Variants in PFKFB3 observed in about 807,000 individuals in gnomAD.
The protein encoded by PFKFB3 is 6-phosphofructo-2-kinase/fructose-2,6-biphosphatase 3.
A neutral mutation model predicts 68.0 loss-of-function variants in PFKFB3; 33 were observed. The observed-to-expected ratio is 0.49, with a 90% CI of 0.37 to 0.65. PFKFB3 has a LOEUF of 0.65. PFKFB3 is among the 30% of genes least tolerant of loss of function. The pLI is 0.00. For missense variants in PFKFB3, 586 were observed against 712.2 expected (o/e 0.82, Z 2.02); for synonymous variants, 315 against 288.2 (o/e 1.09, Z -0.94).
At chr10:6,196,517 A>G (rs1843179719) in intron 1 of PFKFB3, among the ~76,000 whole-genome samples, 1 of 152,212 alleles carries the variant, frequency 6.6e-6, no homozygotes, top group African/African-American at 2.4e-5. Flanking sequence ...TGCAGCCTTC[A>G]GTCTGTGGTC....
chr10:6,150,609 A>C (rs1252885259), intron 1 of PFKFB3, among the ~76,000 whole-genome samples: 1 of 152,212 alleles, frequency 6.6e-6, no homozygotes, highest in Non-Finnish European at 1.5e-5. Context: ...GGGGCGACAG[A>C]GCGAGACTGT....
At chr10:6,157,515 G>C (rs11257021) in intron 1 of PFKFB3, among the ~76,000 whole-genome samples, 93,237 of 151,826 alleles carry the variant, frequency 0.61, 28,816 homozygotes, top group Middle Eastern at 0.67. Context: ...CATGAGCCAC[G>C]GCGCCCAGCC....
At chr10:6,180,137 G>A (rs772508454) in intron 1 of PFKFB3, among the ~76,000 whole-genome samples, 29 of 152,118 alleles carry the variant, frequency 1.9e-4, no homozygotes, top group Non-Finnish European at 3.7e-4. Flanking sequence ...GAGCCCAGGA[G>A]TTTGTGAGCA....
At chr10:6,303,091 GT>G in the PFKFB3 span, among the ~76,000 whole-genome samples, 3 of 152,132 alleles carry the variant, frequency 2.0e-5, 1 homozygote, top group Admixed American at 2.0e-4. Flanking sequence ...ACAAATATTT[GT>G]TTGTCAGCAA....
At chr10:6,217,799 G>A (rs563944898) in intron 6 of PFKFB3, among the ~76,000 whole-genome samples, 1 of 152,302 alleles carries the variant, frequency 6.6e-6, no homozygotes, top group Middle Eastern at 3.4e-3. Context: ...AACAGGAATG[G>A]TTACTATGGA....
chr10:6,313,292 A>G, the PFKFB3 span, among the ~76,000 whole-genome samples: 2 of 152,252 alleles, frequency 1.3e-5, no homozygotes, highest in African/African-American at 2.4e-5. The surrounding 1 kb of genome is among the most constrained non-coding windows in gnomAD (Gnocchi z 4.2). Context: ...AGTTTGATAA[A>G]AGGAAAATGC....
chr10:6,287,547 C>T, the PFKFB3 span, among the ~76,000 whole-genome samples: 1 of 152,106 alleles, frequency 6.6e-6, no homozygotes, highest in African/African-American at 2.4e-5. Context: ...TACAATATAG[C>T]CTAGGTGTGC....
At chr10:6,231,757 C>T (rs542682615) in intron 14 of PFKFB3, among the ~76,000 whole-genome samples, 43 of 152,244 alleles carry the variant, frequency 2.8e-4, no homozygotes, top group African/African-American at 7.0e-4. Context: ...CATCATCCTT[C>T]GGCGGGCACC....
At chr10:6,306,925 T>C in the PFKFB3 span, among the ~76,000 whole-genome samples, 1 of 152,234 alleles carries the variant, frequency 6.6e-6, no homozygotes, top group African/African-American at 2.4e-5. Flanking sequence ...TGCCCAGATA[T>C]TTGGTTAAAC....
chr10:6,198,147 G>A (rs1205614867), upstream of PFKFB3, among the ~76,000 whole-genome samples: 1 of 151,776 alleles, frequency 6.6e-6, no homozygotes, highest in Non-Finnish European at 1.5e-5. Flanking sequence ...TCAGGAGGCT[G>A]AGGCAGGAGA....
At chr10:6,265,499 A>G in the PFKFB3 span, among the ~76,000 whole-genome samples, 1 of 152,060 alleles carries the variant, frequency 6.6e-6, no homozygotes, top group Admixed American at 6.6e-5. Context: ...TTTCTCCACT[A>G]TTATGTTTAG....
intron 1 of PFKFB3, among the ~76,000 whole-genome samples, chr10:6,153,475 A>T (rs1020603994): frequency 2.6e-5 from 4 of 152,118 alleles, no homozygotes; most frequent in African/African-American, 9.7e-5. Flanking sequence ...GTAGGAGGTC[A>T]TGGTGACCTC....
chr10:6,305,034 G>GTTTTTTTTTTT, the PFKFB3 span, among the ~76,000 whole-genome samples: 1 of 3,702 alleles, frequency 2.7e-4, no homozygotes. Context: ...TTTTTTTTTA[G>GTTTTTTTTTTT]TAGAGATGAC....
chr10:6,282,252 C>T, the PFKFB3 span, among the ~76,000 whole-genome samples: 6 of 151,954 alleles, frequency 3.9e-5, no homozygotes, highest in African/African-American at 7.3e-5. Context: ...TGGTGGTGAC[C>T]GGATTCAGGC....
chr10:6,238,660 A>G (rs1846078456), downstream of PFKFB3, among the ~76,000 whole-genome samples: 1 of 151,718 alleles, frequency 6.6e-6, no homozygotes, highest in African/African-American at 2.4e-5. Flanking sequence ...AGATTATCTC[A>G]TCACCCAGGC....
intron 14 of PFKFB3, among the ~76,000 whole-genome samples, chr10:6,248,551 C>T (rs553521597): frequency 6.9e-6 from 1 of 144,056 alleles, no homozygotes; most frequent in African/African-American, 2.6e-5. Flanking sequence ...ATCACTTGAA[C>T]CTGGGAGGCA....
chr10:6,205,684 C>T (rs1298508974), intron 1 of PFKFB3, among the ~76,000 whole-genome samples: 1 of 152,138 alleles, frequency 6.6e-6, no homozygotes, highest in African/African-American at 2.4e-5. Context: ...TGAGCCACCA[C>T]GCCCAGCTGG....
At chr10:6,304,371 C>T in the PFKFB3 span, among the ~76,000 whole-genome samples, 1 of 151,790 alleles carries the variant, frequency 6.6e-6, no homozygotes, top group Non-Finnish European at 1.5e-5. Flanking sequence ...CAGCTCAGCA[C>T]ACCCTAAGAA....
chr10:6,322,333 C>G, the PFKFB3 span, among the ~76,000 whole-genome samples: 1 of 152,178 alleles, frequency 6.6e-6, no homozygotes, highest in Non-Finnish European at 1.5e-5. Context: ...AGCCATATCT[C>G]AAATCCATCT....
Sources: gnomAD v4.1 joint callset for allele counts (sites outside exome capture counted in the v4.1 genomes callset) on GRCh38, gnomAD v4.1.1 for gene constraint, Gnocchi (gnomAD v3.1) non-coding constraint, MANE v1.5 for transcripts, NCBI Gene and HGNC (gene_info 2026-07-23, HGNC 2026-07-21) for gene names.